SEMA5A: variants seen among roughly 807,000 people sequenced by gnomAD.
The protein encoded by SEMA5A is semaphorin-5A.
Under a neutral mutation model 135.5 loss-of-function variants are expected in SEMA5A, and 55 were observed. That is an observed-to-expected ratio of 0.41 (90% confidence interval 0.33 to 0.51). The LOEUF is 0.51. SEMA5A is among the 20% of genes least tolerant of loss of function. The pLI is 0.37. For missense variants in SEMA5A, 1,290 were observed against 1,419.9 expected (o/e 0.91, Z 1.47); for synonymous variants, 580 against 546.5 (o/e 1.06, Z -0.85).
intron 3 of SEMA5A, among the ~76,000 whole-genome samples, chr5:9,355,482 A>G (rs1754400200): frequency 6.6e-6 from 1 of 152,148 alleles, no homozygotes; most frequent in South Asian, 2.1e-4. Context: ...AACTGAGGAT[A>G]ACACCCGAGA....
intron 16 of SEMA5A, 128 bp downstream of exon 16, chr5:9,108,012 G>C: frequency 8.3e-7 from 1 of 1,204,024 alleles, no homozygotes; most frequent in Non-Finnish European, 1.1e-6. Flanking sequence ...AATTTGTGCA[G>C]AGCCTCTAGT....
At chr5:9,203,311 C>A (rs187030404) in intron 8 of SEMA5A, among the ~76,000 whole-genome samples, 6 of 152,278 alleles carry the variant, frequency 3.9e-5, no homozygotes, top group African/African-American at 1.4e-4. Context: ...ATACAGACAA[C>A]AAGTATATTC....
intron 1 of SEMA5A, among the ~76,000 whole-genome samples, chr5:9,497,265 A>C (rs1735349892): frequency 6.6e-6 from 1 of 152,226 alleles, no homozygotes; most frequent in Admixed American, 6.5e-5. Flanking sequence ...TCTCAGGAAA[A>C]GCATCACCAT....
At chr5:9,108,398 G>C (rs1740043545) in intron 15 of SEMA5A, 111 bp from the exon 16 acceptor site, 3 of 1,248,390 alleles carry the variant, frequency 2.4e-6, no homozygotes, top group Admixed American at 4.2e-5. Context: ...CATGCTCTGC[G>C]TGGAGGAGCT....
chr5:9,094,708 G>C (rs1314588899), intron 16 of SEMA5A, among the ~76,000 whole-genome samples: 1 of 152,160 alleles, frequency 6.6e-6, no homozygotes, highest in Non-Finnish European at 1.5e-5. Flanking sequence ...TGACATTAGA[G>C]GTCCTTCGAG....
chr5:9,250,268 CATGT>C (rs1455593623), intron 5 of SEMA5A, among the ~76,000 whole-genome samples: 1 of 152,080 alleles, frequency 6.6e-6, no homozygotes, highest in African/African-American at 2.4e-5. Flanking sequence ...GTCTTTTGAT[CATGT>C]AGATGTGTGG....
intron 5 of SEMA5A, among the ~76,000 whole-genome samples, chr5:9,295,922 A>G (rs1440101000): frequency 1.3e-5 from 2 of 152,250 alleles, no homozygotes; most frequent in Non-Finnish European, 2.9e-5. Context: ...CATTGTTCTC[A>G]TCCAAATATC....
chr5:9,084,964 G>A (rs1329073401), intron 16 of SEMA5A, among the ~76,000 whole-genome samples: 2 of 152,144 alleles, frequency 1.3e-5, no homozygotes, highest in Non-Finnish European at 1.5e-5. Context: ...AACTTGTTGG[G>A]AACTGGAGCA....
intron 8 of SEMA5A, among the ~76,000 whole-genome samples, chr5:9,205,588 A>G (rs1806066): frequency 0.06 from 9,123 of 152,238 alleles, 361 homozygotes; most frequent in Non-Finnish European, 0.088. Context: ...AGCCTCTACC[A>G]TATCTCCAAA....
intron 16 of SEMA5A, among the ~76,000 whole-genome samples, chr5:9,087,301 C>G (rs922877941): frequency 6.6e-6 from 1 of 152,138 alleles, no homozygotes; most frequent in Admixed American, 6.5e-5. Flanking sequence ...TTAAACATTT[C>G]TAGACTTTAA....
intron 5 of SEMA5A, among the ~76,000 whole-genome samples, chr5:9,250,312 T>A (rs1748706939): frequency 6.6e-6 from 1 of 152,164 alleles, no homozygotes; most frequent in Non-Finnish European, 1.5e-5. Flanking sequence ...GTCTGCCTAA[T>A]CTACAGTATG....
At chr5:9,356,881 C>G (rs1183790934) in intron 3 of SEMA5A, among the ~76,000 whole-genome samples, 1 of 152,156 alleles carries the variant, frequency 6.6e-6, no homozygotes, top group African/African-American at 2.4e-5. Flanking sequence ...CTAGCTTTGT[C>G]TCTTCCACTG....
At chr5:9,259,104 G>C (rs1039389453) in intron 5 of SEMA5A, among the ~76,000 whole-genome samples, 2 of 152,248 alleles carry the variant, frequency 1.3e-5, no homozygotes, top group South Asian at 2.1e-4. Flanking sequence ...TTACAGGCAT[G>C]AGCCACCAGG....
chr5:9,205,477 T>C (rs540349005), intron 8 of SEMA5A, among the ~76,000 whole-genome samples: 1 of 152,268 alleles, frequency 6.6e-6, no homozygotes, highest in Admixed American at 6.5e-5. Flanking sequence ...GGTCATTCTG[T>C]ACCCTGTGTC....
intron 14 of SEMA5A, among the ~76,000 whole-genome samples, chr5:9,121,923 C>A (rs151079902): frequency 5.0e-4 from 76 of 151,606 alleles, no homozygotes; most frequent in African/African-American, 1.7e-3. Flanking sequence ...GTCCCAGAGA[C>A]TTTTTTTTTC....
chr5:9,348,942 T>C (rs1300658908), intron 3 of SEMA5A, among the ~76,000 whole-genome samples: 1 of 152,202 alleles, frequency 6.6e-6, no homozygotes, highest in Non-Finnish European at 1.5e-5. Context: ...TTTAAGACAA[T>C]AAATCATTTG....
At chr5:9,397,126 C>T (rs1428571037) in intron 2 of SEMA5A, among the ~76,000 whole-genome samples, 1 of 151,792 alleles carries the variant, frequency 6.6e-6, no homozygotes, top group Non-Finnish European at 1.5e-5. Flanking sequence ...TAAATATGCT[C>T]AAGTTATAAT....
At chr5:9,076,824 T>C (rs564919889) in intron 16 of SEMA5A, among the ~76,000 whole-genome samples, 26 of 152,168 alleles carry the variant, frequency 1.7e-4, no homozygotes, top group Middle Eastern at 6.8e-3. Context: ...GACACTGTTA[T>C]CTACCACATA....
At chr5:9,468,202 ATTG>A (rs1286924029) in intron 1 of SEMA5A, among the ~76,000 whole-genome samples, 1 of 152,310 alleles carries the variant, frequency 6.6e-6, no homozygotes, top group African/African-American at 2.4e-5. Context: ...AGAAGCAGGC[ATTG>A]TTGGTTTTTT....
Sources: allele counts gnomAD v4.1 joint callset (sites outside exome capture counted in the v4.1 genomes callset), GRCh38; gene constraint gnomAD v4.1.1; transcripts MANE v1.5; gene names NCBI Gene and HGNC (gene_info 2026-07-23, HGNC 2026-07-21).